CACNA1H: variants seen among roughly 807,000 people sequenced by gnomAD.
The protein encoded by CACNA1H is calcium voltage-gated channel subunit alpha1 H, also known as voltage-dependent T-type calcium channel subunit alpha-1H.
CACNA1H carries 149 observed loss-of-function variants against 192.5 expected under a neutral mutation model. That is an observed-to-expected ratio of 0.77 (90% CI 0.68 to 0.89). The LOEUF (loss-of-function observed/expected upper bound fraction) is 0.89, where lower values mean the gene tolerates loss of function less well. Ranked by LOEUF, CACNA1H falls within the 40% of genes least tolerant of loss-of-function variation. CACNA1H has a pLI of 0.00. For synonymous variants in CACNA1H, 2,202 were observed against 1,475.2 expected (o/e 1.49, Z -11.29); for missense variants, 4,257 against 3,423.5 (o/e 1.24, Z -6.08).
chr16:1,211,676 A>G, intron 23 of CACNA1H, 40 bp from the exon 24 acceptor site: 1 of 1,611,430 alleles, frequency 6.2e-7, no homozygotes, highest in South Asian at 1.1e-5. Context: ...CGGCGACCCC[A>G]GCTCTAACCC....
chr16:1,216,179 C>T (rs1458485838), intron 30 of CACNA1H, among the ~76,000 whole-genome samples: 1 of 152,232 alleles, frequency 6.6e-6, no homozygotes, highest in African/African-American at 2.4e-5. Context: ...GGCACCTCCT[C>T]CTGTTCCCAC....
intron 2 of CACNA1H, among the ~76,000 whole-genome samples, chr16:1,169,863 C>T (rs948092744): frequency 1.6e-4 from 25 of 152,388 alleles, no homozygotes; most frequent in Admixed American, 1.4e-3. Context: ...CGGACATGGG[C>T]GTGTGCGACC....
chr16:1,193,005 G>GCCCTGTGCC (rs1966750590), intron 2 of CACNA1H, among the ~76,000 whole-genome samples: 1 of 152,176 alleles, frequency 6.6e-6, no homozygotes, highest in African/African-American at 2.4e-5. Flanking sequence ...GGCCTGGGAT[G>GCCCTGTGCC]CCCTGTGCCC....
Position 1,210,200 on chromosome 16 carries a change from C to A in CACNA1H, c.3845+65C>A, listed in dbSNP as rs1438838595. On this transcript the variant is annotated intron_variant, in intron 18 of 34. Coordinates refer to ENST00000348261, the MANE Select transcript of CACNA1H (RefSeq NM_021098.3). The stretch of plus-strand genomic sequence containing the variant: ...CCCCACGGGACCCCCGCCCCCAGGT[C>A]CCTCCTGGGTGGGGCTAGCACATGG... 4.4e-6 allele frequency: 6 copies of A among 1,359,786 alleles called. No individual in the cohort carries two copies. The South Asian group carries it at 5.0e-5, about 11-fold the overall frequency. The allele number at this position is 1,359,786 out of a possible 1,614,324, so 84.2% of individuals were successfully genotyped here. A position where few individuals can be genotyped will look rare whatever the true frequency, so the allele number is the denominator to read the frequency against.
At chr16:1,205,922 A>G (rs957108551) in intron 11 of CACNA1H, among the ~76,000 whole-genome samples, 182 bp from the exon 12 acceptor site, 1 of 152,208 alleles carries the variant, frequency 6.6e-6, no homozygotes, top group Non-Finnish European at 1.5e-5. Context: ...ATCAGCGGAT[A>G]AGCGGCTTTT....
At chr16:1,209,552 G>A (rs1353392662) in intron 17 of CACNA1H, 140 bp downstream of exon 17, 18 of 1,041,358 alleles carry the variant, frequency 1.7e-5, no homozygotes, top group Non-Finnish European at 2.5e-5. Flanking sequence ...GGCCAGGCCA[G>A]GGAGGAATCC....
rs758067750 is a variant in CACNA1H, at chr16:1,209,193, C to T, written c.3525C>T (p.Thr1175=). 1.4e-5 allele frequency: 21 copies of T among 1,552,128 alleles called. No homozygotes were observed. Among genetic ancestry groups the T allele is most frequent in the South Asian group, 1.1e-4 (9 of 84,142 alleles). ...TGTCTGGCGAGGGCAAGGGCAGCAC[C>T]GACGACGAAGCTGAGGACGGCAGGG... is the stretch of plus-strand genomic sequence containing the variant. ...SLLSGEGKGS[T]DDEAEDGRAA... is the part of the protein sequence containing the mutation. Residue 1175 remains threonine (T), a synonymous_variant, in exon 17 of 35, where the codon ACC becomes ACT. Coordinates refer to ENST00000348261, the MANE Select transcript of CACNA1H (RefSeq NM_021098.3).
intron 6 of CACNA1H, among the ~76,000 whole-genome samples, chr16:1,199,607 T>G (rs1318595155): frequency 6.9e-6 from 1 of 145,468 alleles, no homozygotes. Context: ...TACCCCAGGG[T>G]CTCCCCTCGG....
intron 2 of CACNA1H, among the ~76,000 whole-genome samples, chr16:1,160,344 A>G (rs1168591367): frequency 1.3e-5 from 2 of 152,202 alleles, no homozygotes; most frequent in African/African-American, 2.4e-5. Flanking sequence ...GTGGAGATTA[A>G]GGAGCGACCA....
rs373131993 is a variant in CACNA1H at position 1,201,601 on chromosome 16, G to T, written c.1213-62G>T. 4.7e-6 allele frequency: 7 copies of T among 1,496,424 alleles called. No homozygotes were observed. The African/African-American group carries it at 5.5e-5, about 12-fold the overall frequency. The allele number at this position is 1,496,424 out of a possible 1,614,324, so 92.7% of individuals were successfully genotyped here. ...ACTCGAACAGGCAGCGCACAGTAGG[G>T]CTCAGTGGCGAATCAGAGACTCGCT... On this transcript the variant is annotated intron_variant, in intron 8 of 34. Coordinates refer to ENST00000348261, the MANE Select transcript of CACNA1H (RefSeq NM_021098.3).
At chr16:1,172,214 G>A (rs1038654133) in intron 2 of CACNA1H, among the ~76,000 whole-genome samples, 2 of 152,154 alleles carry the variant, frequency 1.3e-5, no homozygotes, top group African/African-American at 4.8e-5. Context: ...GGGCGAGTCT[G>A]CCTTTCCTGC....
rs1241001371 is a variant in CACNA1H at position 1,206,164 on chromosome 16, G to A, written c.2664G>A (p.Leu888=). Residue 888 remains leucine, a synonymous_variant, in exon 12 of 35, where the codon CTG becomes CTA. Transcript: ENST00000348261. The part of the protein sequence containing the change: ...GGLSVLRTFR[L]LRVLKLVRFL... ...TGTCTGTGCTGCGCACCTTCCGGCTGCTGCGTGTGCTGAAGCTGGTGCGCT... is the reference window on the plus strand; with the variant it reads ...TGTCTGTGCTGCGCACCTTCCGGCTACTGCGTGTGCTGAAGCTGGTGCGCT... The A allele has an allele frequency of 1.9e-6, 3 of 1,585,258 alleles. No individual in the cohort carries two copies. The highest frequency in any genetic ancestry group is 1.7e-6 in the Non-Finnish European group (2 of 1,167,430).
At position 1,215,643 on chromosome 16, in the gene CACNA1H, T is replaced by C. The variant is rs183126607; in HGVS notation, c.5244+50T>C. The C allele has an allele frequency of 5.0e-5, 75 of 1,508,224 alleles. No homozygotes were observed. The East Asian group carries it at 1.6e-3, about 33-fold the overall frequency. The allele number at this position is 1,508,224 out of a possible 1,614,324, so 93.4% of individuals were successfully genotyped here. A position where few individuals can be genotyped will look rare whatever the true frequency, so the allele number is the denominator to read the frequency against. On this transcript the variant is annotated intron_variant, in intron 30 of 34. Coordinates refer to ENST00000348261, the MANE Select transcript of CACNA1H (RefSeq NM_021098.3). ...AGCGCAGGCCCCCGGAAGACGGGGT[T>C]GCAGGGAGCGCCTCGCCGTCCCCCT...
Position 1,209,093 on chromosome 16 carries a change from G to T in CACNA1H, c.3425G>T (p.Arg1142Leu). 1 of 1,547,178 alleles carries T rather than the reference G, an allele frequency of 6.5e-7. No homozygotes were observed. The highest frequency in any genetic ancestry group is 1.2e-5 in the South Asian group (1 of 82,982). ...WGPSGAWSSR[R>L]SSWSSLGRAP... is the part of the protein sequence containing the mutation. ...CCCAGTGGCGCCTGGAGCAGCCGGC[G>T]CTCCAGCTGGAGCAGCCTGGGCCGT... The change falls in exon 17 of 35, where the codon CGC becomes CTC. Residue 1142 changes from arginine (R) to leucine (L), a missense_variant. Physicochemically the swap from Arg to Leu is moderately radical, Grantham distance 102. Coordinates refer to ENST00000348261, the MANE Select transcript of CACNA1H (RefSeq NM_021098.3).
chr16:1,158,973 G>T (rs562410626), intron 2 of CACNA1H, among the ~76,000 whole-genome samples: 96 of 152,298 alleles, frequency 6.3e-4, no homozygotes, highest in African/African-American at 2.2e-3. Context: ...TTCACCGTCC[G>T]TCTGTCGCCC....
intron 2 of CACNA1H, among the ~76,000 whole-genome samples, chr16:1,164,429 T>A (rs1386556446): frequency 2.6e-5 from 4 of 152,118 alleles, no homozygotes; most frequent in Non-Finnish European, 5.9e-5. Context: ...ATCTCCTGGT[T>A]CAGGTGACCC....
At position 1,220,497 on chromosome 16, in the gene CACNA1H, C is replaced by CCCCCCTGCATCTCGGTGGAA; in HGVS notation, c.6574_6593dup (p.Glu2199SerfsTer25). On this transcript the variant is annotated frameshift_variant, in exon 35 of 35. Transcript: ENST00000348261. LOFTEE classifies it low-confidence loss of function (END_TRUNC). ...TGCGCGCAGAAAGAAGAAGATGAGC[C>CCCCCCTGCATCTCGGTGGAA]CCCCCTGCATCTCGGTGGAACCCCC... The CCCCCCTGCATCTCGGTGGAA allele has an allele frequency of 6.5e-7, 1 of 1,543,046 alleles. No individual in the cohort carries two copies. The highest frequency in any genetic ancestry group is 8.7e-7 in the Non-Finnish European group (1 of 1,153,384).
At chr16:1,205,771 G>T (rs1048946129) in intron 11 of CACNA1H, among the ~76,000 whole-genome samples, 4 of 152,186 alleles carry the variant, frequency 2.6e-5, no homozygotes, top group Non-Finnish European at 4.4e-5. Context: ...GGCGGGGAGG[G>T]AGTGAGCAGA....
rs1330344704 is a variant in CACNA1H, at chr16:1,211,747, A to G, written c.4508A>G (p.Lys1503Arg). Residue 1503 changes from lysine to arginine, a missense_variant, in exon 24 of 35, where the codon AAG (lysine) becomes AGG (arginine). Transcript: ENST00000348261. ...ALMSLFVLSSKDGWVNIMYDG... is the reference protein window; with the variant it reads ...ALMSLFVLSSRDGWVNIMYDG... Reference sequence around the variant, plus strand: ...ATGTCGCTGTTCGTGCTGTCATCCAAGGATGGATGGGTGAACATCATGTAC... The same window carrying G: ...ATGTCGCTGTTCGTGCTGTCATCCAGGGATGGATGGGTGAACATCATGTAC... The G allele has an allele frequency of 2.5e-6, 4 of 1,612,554 alleles. No individual in the cohort carries two copies. Among genetic ancestry groups the G allele is most frequent in the South Asian group, 2.2e-5 (2 of 91,092 alleles).
Sources: allele counts gnomAD v4.1 joint callset (sites outside exome capture counted in the v4.1 genomes callset), GRCh38; gene constraint gnomAD v4.1.1; transcripts MANE v1.5; gene names NCBI Gene and HGNC (gene_info 2026-07-23, HGNC 2026-07-21).